Variants in RECQL4 observed in about 807,000 individuals in gnomAD.
RECQL4 encodes RecQ like helicase 4.
In RECQL4, 158 loss-of-function variants were observed where a neutral mutation model predicts 128.6. That is an observed-to-expected ratio of 1.23 (90% CI 1.08 to 1.40). The LOEUF (loss-of-function observed/expected upper bound fraction) is 1.40, where lower values mean the gene tolerates loss of function less well. Among genes scored for constraint, RECQL4 ranks in the 40% most tolerant of loss-of-function variants. The pLI is 0.00. For missense variants in RECQL4, 2,293 were observed against 1,649.8 expected (o/e 1.39, Z -6.75); for synonymous variants, 996 against 678.9 (o/e 1.47, Z -7.26).
Position 144,517,292 on chromosome 8 carries a change from C to T in RECQL4, c.214-102G>A, listed in dbSNP as rs999324119. 2.1e-5 allele frequency: 32 copies of T among 1,499,622 alleles called. No individual in the cohort carries two copies. In the South Asian group the frequency reaches 3.9e-4, roughly 18 times the overall value. The allele number at this position is 1,499,622 out of a possible 1,614,324, so 92.9% of individuals were successfully genotyped here. ...CCTGGAGCGAGGCCCGGCCCTTCTT[C>T]ACTTTGCCCAGTCCCCCTCCCAAGT... On this transcript the variant is annotated intron_variant, in intron 3 of 20. Transcript: ENST00000617875.
In RECQL4 at chr8:144,517,814, T is replaced by G. The variant is rs1586836438; in HGVS notation, c.-30A>C. ...CGCGCGCCCGCCCGGCCTCCGCGCT[T>G]GCGATCGTCCAGCGAATCTCCCGCG... is the stretch of plus-strand genomic sequence containing the variant. On this transcript the variant is annotated 5_prime_UTR_variant, in exon 1 of 21. Transcript: ENST00000617875. 12 of 1,196,520 alleles carry G rather than the reference T, an allele frequency of 1.0e-5. No individual in the cohort carries two copies. The highest frequency in any genetic ancestry group is 9.6e-5 in the African/African-American group (6 of 62,264). 74.1% of individuals were successfully genotyped at this position (1,196,520 alleles called of 1,614,324 possible).
Position 144,516,493 on chromosome 8 carries a change from C to T in RECQL4, c.626G>A (p.Arg209Lys), listed in dbSNP as rs753018522. ...TGATTCCTCTGAGCCTAGATCAGGC[C>T]TGCAGGCTTTGGGGGCCCCCAGAAA... The part of the protein sequence containing the change: ...PDFLGAPKAC[R>K]PDLGSEESQL... Residue 209 changes from arginine (R) to lysine (K), a missense_variant, in exon 5 of 21, where the codon AGG becomes AAG. Physicochemically the swap from Arg to Lys is conservative, Grantham distance 26. Coordinates refer to ENST00000617875, the MANE Select transcript of RECQL4 (RefSeq NM_004260.4). The T allele has an allele frequency of 6.8e-6, 11 of 1,609,000 alleles. No individual in the cohort carries two copies. In the East Asian group the frequency reaches 2.4e-4, roughly 36 times the overall value.
Position 144,513,059 on chromosome 8 carries a change from C to T in RECQL4, c.2543G>A (p.Arg848His), listed in dbSNP as rs368989729. The T allele has an allele frequency of 1.1e-4, 166 of 1,579,702 alleles. No homozygotes were observed. The African/African-American group carries it at 1.6e-3, about 15-fold the overall frequency. The change falls in exon 15 of 21, where the codon CGC becomes CAC. Residue 848 changes from arginine to histidine, a missense_variant. Physicochemically the swap from Arg to His is conservative, Grantham distance 29. Coordinates refer to ENST00000617875, the MANE Select transcript of RECQL4 (RefSeq NM_004260.4). ...GGTGCAGGTGCAGGCTGGGAACACG[C>T]GCTGTACCAGCCTCTTCACAGCCAG... Reference protein sequence around the residue: ...DFLAVKRLVQRVFPACTCTCT... With the variant: ...DFLAVKRLVQHVFPACTCTCT...
rs903928753 is a variant in RECQL4 at position 144,511,992 on chromosome 8, G to T, written c.3312C>A (p.Leu1104=). The T allele has an allele frequency of 2.5e-6, 4 of 1,610,274 alleles. No homozygotes were observed. Among genetic ancestry groups the T allele is most frequent in the Non-Finnish European group, 3.4e-6 (4 of 1,179,312 alleles). ...EERSTRLKDL[L]GRYFEEEEGQ... ...CTTCCTCTTCCTCAAAGTAGCGGCC[G>T]AGCAGGTCCTTGAGCCTGGTGCTGC... Residue 1104 remains leucine, a synonymous_variant, in exon 19 of 21, where the codon CTC becomes CTA. Transcript: ENST00000617875.
Position 144,513,317 on chromosome 8 carries a change from A to C in RECQL4, c.2364T>G (p.His788Gln), listed in dbSNP as rs1410031368. 3 of 1,602,214 alleles carry C rather than the reference A, an allele frequency of 1.9e-6. No individual in the cohort carries two copies. The highest frequency in any genetic ancestry group is 1.7e-4 in the Middle Eastern group (1 of 6,056). ...TCTCGAAGCTTGGGGGCAGCCCCAG[A>C]TGCAGCACAGCCCGCACATCTGGCC... ...LDRPDVRAVLHLGLPPSFESY... is the reference protein window; with the variant it reads ...LDRPDVRAVLQLGLPPSFESY... The change falls in exon 14 of 21, where the codon CAT becomes CAG. Residue 788 changes from histidine to glutamine, a missense_variant. His to Gln is a conservative substitution (Grantham distance 24, BLOSUM62 0). Coordinates refer to ENST00000617875, the MANE Select transcript of RECQL4 (RefSeq NM_004260.4).
intron 15 of RECQL4, 25 bp downstream of exon 15, chr8:144,512,822 C>T (rs371035494): frequency 1.2e-6 from 2 of 1,608,472 alleles, no homozygotes; most frequent in Non-Finnish European, 1.7e-6. Context: ...CTCCACACCC[C>T]TGTGGCTTAC....
rs1815044301 is a variant in RECQL4, at chr8:144,516,552, G to C, written c.567C>G (p.Gly189=). Reference sequence around the variant, plus strand: ...CCTCACTGTGACATCGCTGTAACCAGCCAGGATCTAGGGAGCCCAGCCGCT... The same window carrying C: ...CCTCACTGTGACATCGCTGTAACCACCCAGGATCTAGGGAGCCCAGCCGCT... The part of the protein sequence containing the change: ...LSQRLGSLDP[G]WLQRCHSEVP... The change falls in exon 5 of 21, where the codon GGC becomes GGG. Residue 189 remains glycine (G), a synonymous_variant. Transcript: ENST00000617875. 2 of 1,609,684 alleles carry C rather than the reference G, an allele frequency of 1.2e-6. No individual in the cohort carries two copies. Among genetic ancestry groups the C allele is most frequent in the Non-Finnish European group, 1.7e-6 (2 of 1,178,946 alleles).
rs2130689774 is a variant in RECQL4 at position 144,513,910 on chromosome 8, C to T, written c.2058+18G>A. The T allele has an allele frequency of 2.6e-6, 4 of 1,549,672 alleles. No homozygotes were observed. The highest frequency in any genetic ancestry group is 3.5e-6 in the Non-Finnish European group (4 of 1,147,248). On this transcript the variant is annotated intron_variant, in intron 12 of 20. Coordinates refer to ENST00000617875, the MANE Select transcript of RECQL4 (RefSeq NM_004260.4). ...AGCAGCCAGGGCCCTGCAGGGTCCC[C>T]AGAGCACACACACCCACCTGGTCTG...
rs760041795 is a variant in RECQL4 at position 144,513,321 on chromosome 8, A to G, written c.2360T>C (p.Leu787Pro). 5 of 1,602,560 alleles carry G rather than the reference A, an allele frequency of 3.1e-6. No homozygotes were observed. Among genetic ancestry groups the G allele is most frequent in the East Asian group, 2.2e-5 (1 of 44,864 alleles). Residue 787 changes from leucine (L) to proline (P), a missense_variant, in exon 14 of 21, where the codon CTG (leucine) becomes CCG (proline). Transcript: ENST00000617875. ...GLDRPDVRAV[L>P]HLGLPPSFES... is the part of the protein sequence containing the mutation. Reference sequence around the variant, plus strand: ...GAAGCTTGGGGGCAGCCCCAGATGCAGCACAGCCCGCACATCTGGCCGGTC... The same window carrying G: ...GAAGCTTGGGGGCAGCCCCAGATGCGGCACAGCCCGCACATCTGGCCGGTC...
chr8:144,514,230 A>G lies in RECQL4; in HGVS notation c.1837T>C (p.Trp613Arg), dbSNP rs1394819507. 3.1e-6 allele frequency: 5 copies of G among 1,612,178 alleles called. No individual in the cohort carries two copies. The highest frequency in any genetic ancestry group is 1.6e-4 in the Middle Eastern group (1 of 6,080). Residue 613 changes from tryptophan to arginine, a missense_variant, in exon 11 of 21, where the codon TGG (tryptophan) becomes CGG (arginine). Transcript: ENST00000617875. Reference protein sequence around the residue: ...CIDEAHCLSQWSHNFRPCYLR... With the variant: ...CIDEAHCLSQRSHNFRPCYLR... ...TAGCAGGGCCGGAAGTTGTGGGACC[A>G]CTGGGAGAGGCAGTGGGCCTCATCA...
Position 144,513,717 on chromosome 8 carries a change from T to A in RECQL4, c.2059-5A>T, listed in dbSNP as rs370542063. 6.5e-7 allele frequency: 1 copy of A among 1,545,808 alleles called. No homozygotes were observed. The highest frequency in any genetic ancestry group is 8.7e-7 in the Non-Finnish European group (1 of 1,144,916). On this transcript the variant is annotated splice_polypyrimidine_tract_variant and splice_region_variant and intron_variant, in intron 12 of 20. Coordinates refer to ENST00000617875, the MANE Select transcript of RECQL4 (RefSeq NM_004260.4). ...TTGCAGCAGCGTCAACAGTGCCTGATGAGGAGCGGTTGGCGTGGGCAGTGG... is the reference window on the plus strand; with the variant it reads ...TTGCAGCAGCGTCAACAGTGCCTGAAGAGGAGCGGTTGGCGTGGGCAGTGG...
chr8:144,517,599 C>A lies in RECQL4; in HGVS notation c.118+3G>T, dbSNP rs1815398834. ...CGCCCCCGCCGCCCCGCCGCGCGCT[C>A]ACCGCGGGTCTCCTCCGGCGCCGCC... is the stretch of plus-strand genomic sequence containing the variant. On this transcript the variant is annotated splice_donor_region_variant and intron_variant, in intron 2 of 20. Transcript: ENST00000617875. The A allele has an allele frequency of 1.3e-6, 2 of 1,482,016 alleles. No homozygotes were observed. The highest frequency in any genetic ancestry group is 1.8e-6 in the Non-Finnish European group (2 of 1,124,798). 91.8% of individuals were successfully genotyped at this position (1,482,016 alleles called of 1,614,324 possible).
intron 6 of RECQL4, 141 bp downstream of exon 6, chr8:144,515,623 C>A (rs1333275453): frequency 6.9e-7 from 1 of 1,443,458 alleles, no homozygotes; most frequent in East Asian, 2.4e-5. Flanking sequence ...TCCCTGCCAC[C>A]CTCCTTCAGG....
In RECQL4 at chr8:144,513,421, G is replaced by A. The variant is rs193024188; in HGVS notation, c.2260C>T (p.Arg754Trp). 4.4e-4 allele frequency: 708 copies of A among 1,609,312 alleles called. No homozygotes were observed. The highest frequency in any genetic ancestry group is 5.7e-4 in the Non-Finnish European group (673 of 1,179,766). The change falls in exon 14 of 21, where the codon CGG becomes TGG. Residue 754 changes from arginine to tryptophan, a missense_variant. By Grantham distance (101) the Arg-to-Trp change is moderately radical (BLOSUM62 -3). Transcript: ENST00000617875. ...TGCATGAAGGCTCGCTGTACCCGCC[G>A]CCGTTCCCGGCTGCACATGCCCGCG... is the stretch of plus-strand genomic sequence containing the variant. ...YHAGMCSRER[R>W]RVQRAFMQGQ...
At position 144,511,341 on chromosome 8, in the gene RECQL4, C is replaced by G; in HGVS notation, c.*90G>C. 6.3e-7 allele frequency: 1 copy of G among 1,581,550 alleles called. No individual in the cohort carries two copies. The highest frequency in any genetic ancestry group is 8.6e-7 in the Non-Finnish European group (1 of 1,158,278). The stretch of plus-strand genomic sequence containing the variant: ...GCATTTTGGAGCCTCCTCGTTCCCA[C>G]ACCCTGTGGCAGGTTTTGCCCAGGT... On this transcript the variant is annotated 3_prime_UTR_variant, in exon 21 of 21. Coordinates refer to ENST00000617875, the MANE Select transcript of RECQL4 (RefSeq NM_004260.4).
chr8:144,515,607 T>A, intron 6 of RECQL4, 150 bp from the exon 7 acceptor site: 1 of 1,459,138 alleles, frequency 6.9e-7, no homozygotes, highest in Non-Finnish European at 9.3e-7. Flanking sequence ...GTGACAGCCA[T>A]CGTCGTCCCT....
rs1380694111 is a variant in RECQL4 at position 144,512,229 on chromosome 8, T to C, written c.3151A>G (p.Ile1051Val). The C allele has an allele frequency of 1.2e-6, 2 of 1,612,392 alleles. No homozygotes were observed. The highest frequency in any genetic ancestry group is 1.7e-6 in the Non-Finnish European group (2 of 1,179,730). ...GDLTAEEKDQICDFLYGRVQA... is the reference protein window; with the variant it reads ...GDLTAEEKDQVCDFLYGRVQA... ...ACACGGCCATAGAGGAAGTCACATA[T>C]CTGGTCCTTCTCCTCAGCGGTCAAG... Residue 1051 changes from isoleucine to valine, a missense_variant, in exon 18 of 21, where the codon ATA becomes GTA. Coordinates refer to ENST00000617875, the MANE Select transcript of RECQL4 (RefSeq NM_004260.4).
rs2130708802 is a variant in RECQL4, at chr8:144,515,436, G to T, written c.1280C>A (p.Ala427Asp). The T allele has an allele frequency of 6.2e-7, 1 of 1,612,816 alleles. No homozygotes were observed. Among genetic ancestry groups the T allele is most frequent in the South Asian group, 1.1e-5 (1 of 91,088 alleles). Residue 427 changes from alanine (A) to aspartate (D), a missense_variant, in exon 7 of 21, where the codon GCT becomes GAT. Ala to Asp is a moderately radical substitution (Grantham distance 126). Transcript: ENST00000617875. ...AGGAACCAGTGGCTCAGGCCCAACA[G>T]CATCTGTGTCTTCCTCACTTGCTGG... ...PRPASEEDTD[A>D]VGPEPLVPSP...
At position 144,517,479 on chromosome 8, in the gene RECQL4, G is replaced by C. The variant is rs1325079305; in HGVS notation, c.148C>G (p.Arg50Gly). Residue 50 changes from arginine (R) to glycine (G), a missense_variant, in exon 3 of 21, where the codon CGT becomes GGT. Arg to Gly is a moderately radical substitution (Grantham distance 125, BLOSUM62 -2). Coordinates refer to ENST00000617875, the MANE Select transcript of RECQL4 (RefSeq NM_004260.4). ...CCGCCGCCGGCCTGGCCCGTGGTACGCTTCAGAGTGCGGTATTCCCGGTAG... is the reference window on the plus strand; with the variant it reads ...CCGCCGCCGGCCTGGCCCGTGGTACCCTTCAGAGTGCGGTATTCCCGGTAG... ...ALYREYRTLK[R>G]TTGQAGGGLR... The C allele has an allele frequency of 2.5e-6, 4 of 1,597,122 alleles. No individual in the cohort carries two copies. The South Asian group carries it at 4.5e-5, about 18-fold the overall frequency.
Sources: gnomAD v4.1 joint callset for allele counts on GRCh38, gnomAD v4.1.1 for gene constraint, MANE v1.5 for transcripts, NCBI Gene and HGNC (gene_info 2026-07-23, HGNC 2026-07-21) for gene names.